SND1: variants seen among roughly 807,000 people sequenced by gnomAD.
SND1 encodes staphylococcal nuclease domain-containing protein 1.
Under a neutral mutation model 121.7 loss-of-function variants are expected in SND1, and 38 were observed. The ratio of observed to expected loss-of-function variants is 0.31; its 90% CI spans 0.24 to 0.41. The LOEUF (loss-of-function observed/expected upper bound fraction) is 0.41, where lower values mean the gene tolerates loss of function less well. Among genes scored for constraint, SND1 ranks in the 10% least tolerant of loss-of-function variants. The probability of loss-of-function intolerance (pLI) is 1.00; values close to 1 mark genes in which losing one functional copy is unlikely to be tolerated. For missense variants in SND1, 868 were observed against 1,184.6 expected, an observed-to-expected ratio of 0.73 and a Z score of 3.92; for synonymous variants, 401 against 447.4, an observed-to-expected ratio of 0.90 and a Z score of 1.31.
Position 127,971,263 on chromosome 7 carries a change from G to A in SND1, c.1670-19684G>A, listed in dbSNP as rs528474029. ...GCTATAGGCTTTCTCCCTAGAAAAT[G>A]CCAGATAGATGAAGAAAGAAAAAGG... On this transcript the variant is annotated intron_variant, in intron 15 of 23. Transcript: ENST00000354725. 1.7e-3 allele frequency among the ~76,000 whole-genome samples: 255 copies of A among 152,248 alleles called. 2 individuals carry two copies. Among genetic ancestry groups the A allele is most frequent in the African/African-American group, 5.9e-3 (244 of 41,542 alleles).
chr7:127,707,505 T>A, intron 8 of SND1, 52 bp from the exon 9 acceptor site: 1 of 1,460,108 alleles, frequency 6.8e-7, no homozygotes, highest in Admixed American at 1.7e-5. Flanking sequence ...ATGGTAGTGG[T>A]GGATTCCATT....
intron 10 of SND1, among the ~76,000 whole-genome samples, chr7:127,735,942 T>C (rs1223102573): frequency 6.6e-6 from 1 of 152,158 alleles, no homozygotes; most frequent in Non-Finnish European, 1.5e-5. Flanking sequence ...ACCTGTATCT[T>C]TTAAATTGTC....
chr7:127,875,032 C>T (rs1246762546), intron 12 of SND1, among the ~76,000 whole-genome samples: 1 of 152,124 alleles, frequency 6.6e-6, no homozygotes, highest in Non-Finnish European at 1.5e-5. Flanking sequence ...ATGCTGGTGT[C>T]ACTCTGTTTT....
intron 10 of SND1, among the ~76,000 whole-genome samples, chr7:127,728,910 C>T (rs1796626879): frequency 6.6e-6 from 1 of 152,088 alleles, no homozygotes; most frequent in African/African-American, 2.4e-5. Flanking sequence ...GTTTTACACT[C>T]CTGTTTTTTA....
chr7:127,864,184 C>G (rs934718403), intron 12 of SND1, among the ~76,000 whole-genome samples: 13 of 99,752 alleles, frequency 1.3e-4, no homozygotes, highest in Non-Finnish European at 2.3e-4. Flanking sequence ...CCCCACCCCC[C>G]ACCCCAGGAA....
intron 10 of SND1, among the ~76,000 whole-genome samples, chr7:127,757,767 A>C (rs1016996354): frequency 4.6e-5 from 7 of 152,160 alleles, no homozygotes; most frequent in African/African-American, 1.4e-4. Context: ...CTGTTTGTAT[A>C]TTCTGAATGT....
chr7:127,937,066 A>G (rs1801075904), intron 15 of SND1, among the ~76,000 whole-genome samples: 1 of 89,958 alleles, frequency 1.1e-5, no homozygotes, highest in African/African-American at 3.4e-5. Context: ...GGAAGAGAAT[A>G]ATAATTTGAG....
intron 12 of SND1, among the ~76,000 whole-genome samples, chr7:127,847,755 G>A (rs1184284919): frequency 6.6e-6 from 1 of 152,204 alleles, no homozygotes; most frequent in African/African-American, 2.4e-5. Context: ...GAAGTGCGTA[G>A]ATGCCAATAA....
In SND1 at chr7:128,046,775, A is replaced by G. The variant is rs529288572; in HGVS notation, c.1780-27727A>G. 2.6e-4 allele frequency among the ~76,000 whole-genome samples: 40 copies of G among 152,304 alleles called. No individual in the cohort carries two copies. The South Asian group carries it at 8.3e-3, about 32-fold the overall frequency. ...GCACCTAGCGTGTGTCTTTATTTGT[A>G]TTAACTGCTAAGACTAACTATTTCC... On this transcript the variant is annotated intron_variant, in intron 16 of 23. Transcript: ENST00000354725.
intron 9 of SND1, among the ~76,000 whole-genome samples, chr7:127,711,347 A>G (rs1399966095): frequency 1.3e-5 from 2 of 152,162 alleles, no homozygotes; most frequent in Non-Finnish European, 2.9e-5. Flanking sequence ...CTCTACATAC[A>G]CTTGATAGTT....
intron 11 of SND1, among the ~76,000 whole-genome samples, chr7:127,830,208 C>T (rs1284539050): frequency 6.6e-6 from 1 of 152,052 alleles, no homozygotes; most frequent in African/African-American, 2.4e-5. Context: ...CAAGGTGAAA[C>T]CCCATCTCTA....
chr7:127,863,399 G>C (rs1799413679), intron 12 of SND1, among the ~76,000 whole-genome samples: 1 of 152,022 alleles, frequency 6.6e-6, no homozygotes, highest in Admixed American at 6.5e-5. Flanking sequence ...TGGCCAGAGT[G>C]TTAATATACC....
At chr7:127,992,482 C>T (rs933401428) in intron 16 of SND1, among the ~76,000 whole-genome samples, 2 of 152,200 alleles carry the variant, frequency 1.3e-5, no homozygotes, top group African/African-American at 4.8e-5. Flanking sequence ...TTGGTAAAAG[C>T]AGGTGAGTCT....
At chr7:127,771,115 G>A (rs1485539590) in intron 10 of SND1, among the ~76,000 whole-genome samples, 1 of 152,196 alleles carries the variant, frequency 6.6e-6, no homozygotes, top group Non-Finnish European at 1.5e-5. Flanking sequence ...TCGTGTAAGA[G>A]AAATGGTTCT....
At chr7:127,985,221 T>C (rs1802359528) in intron 15 of SND1, among the ~76,000 whole-genome samples, 1 of 152,206 alleles carries the variant, frequency 6.6e-6, no homozygotes, top group South Asian at 2.1e-4. Context: ...TAGTGAGGGA[T>C]GTGTCCTGTT....
chr7:127,713,025 G>A (rs1796323811), intron 9 of SND1, among the ~76,000 whole-genome samples: 1 of 152,218 alleles, frequency 6.6e-6, no homozygotes, highest in Admixed American at 6.5e-5. Flanking sequence ...ATGTTAACCA[G>A]TATATACCAC....
chr7:128,083,077 A>G (rs1179221224), intron 18 of SND1, among the ~76,000 whole-genome samples: 1 of 152,100 alleles, frequency 6.6e-6, no homozygotes, highest in Non-Finnish European at 1.5e-5. Flanking sequence ...GAACCTCAGG[A>G]TCCACAGCCC....
chr7:127,669,153 C>A (rs1449007963), intron 1 of SND1, among the ~76,000 whole-genome samples: 1 of 152,162 alleles, frequency 6.6e-6, no homozygotes, highest in Non-Finnish European at 1.5e-5. Context: ...ACACCACGAC[C>A]AGCTCATTTT....
At chr7:127,845,554 A>T (rs1027518782) in intron 12 of SND1, among the ~76,000 whole-genome samples, 1 of 152,250 alleles carries the variant, frequency 6.6e-6, no homozygotes, top group Non-Finnish European at 1.5e-5. Flanking sequence ...TTCTATCTGT[A>T]TAAATTACAA....
Sources: gnomAD v4.1 joint callset for allele counts (sites outside exome capture counted in the v4.1 genomes callset) on GRCh38, gnomAD v4.1.1 for gene constraint, MANE v1.5 for transcripts, NCBI Gene and HGNC (gene_info 2026-07-23, HGNC 2026-07-21) for gene names.